The following FBXO15 variants were observed in gnomAD, a reference collection of about 807,000 sequenced individuals.
The protein encoded by FBXO15 is F-box only protein 15.
A neutral mutation model predicts 49.5 loss-of-function variants in FBXO15; 30 were observed. The observed-to-expected ratio is 0.61, with a 90% confidence interval of 0.45 to 0.82. FBXO15 has a LOEUF of 0.82. Ranked by LOEUF, FBXO15 falls within the 40% of genes least tolerant of loss-of-function variation. The pLI is 0.00. For missense variants in FBXO15, 591 were observed against 631.5 expected (o/e 0.94, Z 0.69); for synonymous variants, 250 against 232.7 (o/e 1.07, Z -0.68).
In FBXO15 at chr18:74,084,938, C is replaced by T. The variant is rs1398508810; in HGVS notation, c.1139-2887G>A. On this transcript the variant is annotated intron_variant, in intron 8 of 9. Coordinates refer to ENST00000419743, the MANE Select transcript of FBXO15 (RefSeq NM_001142958.2). ...ATGCCAAGCTAAGTGTGTTAAGTACCCTCTATACTTTATCTCAATAATAAT... is the reference window on the plus strand; with the variant it reads ...ATGCCAAGCTAAGTGTGTTAAGTACTCTCTATACTTTATCTCAATAATAAT... 3.3e-5 allele frequency among the ~76,000 whole-genome samples: 5 copies of T among 151,824 alleles called. No individual in the cohort carries two copies. In the East Asian group the frequency reaches 9.7e-4, roughly 29 times the overall value.
Position 74,124,543 on chromosome 18 carries a change from G to T in FBXO15, c.941C>A (p.Ala314Glu), listed in dbSNP as rs144448828. Residue 314 changes from alanine (A) to glutamate (E), a missense_variant, in exon 7 of 10, where the codon GCA becomes GAA. Physicochemically the swap from Ala to Glu is moderately radical, Grantham distance 107. Transcript: ENST00000419743. ...CACAAGGTGATGAAAATGAAGATTT[G>T]CCATAACAAAAGCCAGTTCTTCCTC... Reference protein sequence around the residue: ...KKEEELAFVMANLHFHHLVER... With the variant: ...KKEEELAFVMENLHFHHLVER... The T allele has an allele frequency of 3.1e-6, 5 of 1,613,914 alleles. No individual in the cohort carries two copies. The highest frequency in any genetic ancestry group is 4.2e-6 in the Non-Finnish European group (5 of 1,180,010).
At chr18:74,135,720 A>G (rs2063515353) in intron 3 of FBXO15, 42 bp downstream of exon 3, 1 of 1,481,054 alleles carries the variant, frequency 6.8e-7, no homozygotes, top group African/African-American at 1.4e-5. Flanking sequence ...ACTTCCATCA[A>G]ACTGTCATCA....
chr18:74,138,926 A>G (rs1200045911), intron 2 of FBXO15, among the ~76,000 whole-genome samples: 1 of 152,122 alleles, frequency 6.6e-6, no homozygotes, highest in Non-Finnish European at 1.5e-5. Flanking sequence ...TCTAGAGAAG[A>G]GAGGTAAACA....
At chr18:74,096,446 T>C (rs1913277621) in intron 8 of FBXO15, among the ~76,000 whole-genome samples, 1 of 149,648 alleles carries the variant, frequency 6.7e-6, no homozygotes, top group Non-Finnish European at 1.5e-5. Context: ...AAGGTGAAAA[T>C]GGGCTTAAGG....
At chr18:74,091,622 T>C (rs192214663) in intron 8 of FBXO15, among the ~76,000 whole-genome samples, 1 of 152,260 alleles carries the variant, frequency 6.6e-6, no homozygotes, top group African/African-American at 2.4e-5. Flanking sequence ...CTGAAAAGGA[T>C]CTTATTTCTC....
In FBXO15 at chr18:74,073,734, C is replaced by T; in HGVS notation, c.1264-4G>A. On this transcript the variant is annotated splice_region_variant and splice_polypyrimidine_tract_variant and intron_variant, in intron 9 of 9. Transcript: ENST00000419743. ...TTACGTCCATCATGGAACAACTCTG[C>T]AAAATAAACACAGATTGACAAGGAT... 6.2e-7 allele frequency: 1 copy of T among 1,605,266 alleles called. No individual in the cohort carries two copies.
In FBXO15 at chr18:74,081,913, G is replaced by A. The variant is rs768855284; in HGVS notation, c.1263+14C>T. On this transcript the variant is annotated intron_variant, in intron 9 of 9. Transcript: ENST00000419743. ...TCAAGTTACTTGAAGAAAAGAAAAC[G>A]GTTCTGTTTTTACCTTTATACAGCC... 12 of 1,545,124 alleles carry A rather than the reference G, an allele frequency of 7.8e-6. No homozygotes were observed. Among genetic ancestry groups the A allele is most frequent in the Admixed American group, 4.1e-5 (2 of 48,474 alleles).
intron 5 of FBXO15, among the ~76,000 whole-genome samples, chr18:74,127,173 G>A (rs531114173): frequency 2.6e-5 from 4 of 152,286 alleles, no homozygotes; most frequent in South Asian, 2.1e-4. Flanking sequence ...TCAATAAATC[G>A]CAGTCCCTGC....
At chr18:74,128,669 C>G (rs999900462) in intron 5 of FBXO15, among the ~76,000 whole-genome samples, 12 of 152,180 alleles carry the variant, frequency 7.9e-5, no homozygotes, top group African/African-American at 2.9e-4. Context: ...ATGCCATAAT[C>G]CAGCTTTTAG....
At chr18:74,131,076 G>A (rs1346839615) in intron 3 of FBXO15, among the ~76,000 whole-genome samples, 2 of 152,044 alleles carry the variant, frequency 1.3e-5, no homozygotes, top group Non-Finnish European at 2.9e-5. Flanking sequence ...CACACACCAA[G>A]AAATTTCAAT....
intron 8 of FBXO15, chr18:74,099,020 G>A (rs1487525066): frequency 6.6e-6 from 1 of 152,314 alleles, no homozygotes; most frequent in African/African-American, 2.4e-5. Flanking sequence ...AGCTATTCAG[G>A]AGGCTGAGGC....
In FBXO15 at chr18:74,129,419, A is replaced by G; in HGVS notation, c.771T>C (p.Thr257=). 2.5e-6 allele frequency: 4 copies of G among 1,613,942 alleles called. No individual in the cohort carries two copies. The South Asian group carries it at 4.4e-5, about 18-fold the overall frequency. ...MTPVFTDWYK[T]PTKHRLRWHS... The stretch of plus-strand genomic sequence containing the variant: ...TTGGTACTTACCTATGTTTGGTGGG[A>G]GTTTTATACCAGTCGGTAAAAACTG... The change falls in exon 5 of 10, where the codon ACT becomes ACC. Residue 257 remains threonine (T), a synonymous_variant. Coordinates refer to ENST00000419743, the MANE Select transcript of FBXO15 (RefSeq NM_001142958.2).
chr18:74,101,165 C>A (rs536074031), intron 8 of FBXO15, among the ~76,000 whole-genome samples: 1 of 152,126 alleles, frequency 6.6e-6, no homozygotes, highest in Admixed American at 6.6e-5. Context: ...TAACAAAATA[C>A]TAACTAACTG....
Position 74,140,310 on chromosome 18 carries a change from T to C in FBXO15, c.119A>G (p.Lys40Arg), listed in dbSNP as rs1374209397. ...TGCAGAAAGCTTGACCCCTGGCCCC[T>C]TTCTGAAAGTAAATGTGGGAAATTC... is the stretch of plus-strand genomic sequence containing the variant. ...RGRARAFGCR[K>R]GPGVKLSAGS... Residue 40 changes from lysine to arginine, a missense_variant and splice_region_variant, in exon 2 of 10, where the codon AAG (lysine) becomes AGG (arginine). Coordinates refer to ENST00000419743, the MANE Select transcript of FBXO15 (RefSeq NM_001142958.2). 6.5e-7 allele frequency: 1 copy of C among 1,548,308 alleles called. No homozygotes were observed. The highest frequency in any genetic ancestry group is 8.7e-7 in the Non-Finnish European group (1 of 1,145,914).
At chr18:74,115,881 C>T (rs1471194286) in intron 8 of FBXO15, among the ~76,000 whole-genome samples, 2 of 152,100 alleles carry the variant, frequency 1.3e-5, no homozygotes, top group Non-Finnish European at 2.9e-5. Context: ...TGTTTTGCTC[C>T]ACTCTCCTGG....
At chr18:74,101,648 C>T (rs1186679611) in intron 8 of FBXO15, among the ~76,000 whole-genome samples, 2 of 152,062 alleles carry the variant, frequency 1.3e-5, no homozygotes, top group Non-Finnish European at 1.5e-5. Context: ...AAAGAGCCTG[C>T]ATAGCCAAAG....
intron 8 of FBXO15, chr18:74,098,455 G>C (rs1286398095): frequency 1.3e-5 from 2 of 152,130 alleles, no homozygotes; most frequent in Non-Finnish European, 2.9e-5. Flanking sequence ...AATGCACTTA[G>C]AGAAATGCAA....
intron 1 of FBXO15, 22 bp from the exon 2 acceptor site, chr18:74,140,334 T>A: frequency 3.9e-6 from 6 of 1,538,690 alleles, no homozygotes; most frequent in Non-Finnish European, 5.3e-6. Context: ...TGTGGGAAAT[T>A]CAAATTATGT....
chr18:74,116,160 A>C (rs1057237931), intron 8 of FBXO15, among the ~76,000 whole-genome samples: 17 of 152,360 alleles, frequency 1.1e-4, no homozygotes, highest in African/African-American at 3.4e-4. Flanking sequence ...GCAGGAAAAG[A>C]AGCAAATGAG....
Sources: allele counts gnomAD v4.1 joint callset (sites outside exome capture counted in the v4.1 genomes callset), GRCh38; gene constraint gnomAD v4.1.1; transcripts MANE v1.5; gene names NCBI Gene and HGNC (gene_info 2026-07-23, HGNC 2026-07-21).